Variants in GPC6 observed in about 807,000 individuals in gnomAD.
The protein encoded by GPC6 is glypican-6.
In GPC6, 14 loss-of-function variants were observed where a neutral mutation model predicts 55.2. The observed-to-expected ratio is 0.25, with a 90% CI of 0.17 to 0.40. The LOEUF (loss-of-function observed/expected upper bound fraction) is 0.40, where lower values mean the gene tolerates loss of function less well. Ranked by LOEUF, GPC6 falls within the 10% of genes least tolerant of loss-of-function variation. The probability of loss-of-function intolerance (pLI) is 1.00; values close to 1 mark genes in which losing one functional copy is unlikely to be tolerated. For missense variants in GPC6, 641 were observed against 708.5 expected (o/e 0.90, Z 1.08); for synonymous variants, 278 against 259.6 (o/e 1.07, Z -0.68).
At chr13:94,085,048 G>A (rs1885230349) in intron 4 of GPC6, among the ~76,000 whole-genome samples, 1 of 152,066 alleles carries the variant, frequency 6.6e-6, no homozygotes, top group South Asian at 2.1e-4. Flanking sequence ...TTGTGGCTGG[G>A]CACGGTGGCT....
intron 1 of GPC6, among the ~76,000 whole-genome samples, chr13:93,384,688 G>A (rs74765366): frequency 6.6e-6 from 1 of 152,196 alleles, no homozygotes; most frequent in Non-Finnish European, 1.5e-5. Flanking sequence ...TACTGTTTGT[G>A]TATTTAGTGT....
At chr13:94,000,566 C>T (rs535007927) in intron 3 of GPC6, among the ~76,000 whole-genome samples, 71 of 152,066 alleles carry the variant, frequency 4.7e-4, no homozygotes, top group Non-Finnish European at 8.8e-4. Flanking sequence ...AAATTTTATT[C>T]CAAGTTGGAC....
At chr13:94,313,162 T>A (rs1876347126) in intron 6 of GPC6, among the ~76,000 whole-genome samples, 1 of 152,176 alleles carries the variant, frequency 6.6e-6, no homozygotes. Context: ...CAGCAGCATG[T>A]GGTAGCAGAG....
chr13:93,662,945 C>T (rs1024277552), intron 2 of GPC6, among the ~76,000 whole-genome samples: 10 of 151,988 alleles, frequency 6.6e-5, no homozygotes, highest in African/African-American at 2.2e-4. Context: ...GTGAGCATAT[C>T]ATTATTTTTA....
intron 2 of GPC6, among the ~76,000 whole-genome samples, chr13:93,688,355 G>C (rs567962213): frequency 6.6e-6 from 1 of 152,216 alleles, no homozygotes; most frequent in East Asian, 1.9e-4. Flanking sequence ...GTAAAAGTCA[G>C]GGAGTTTTGG....
At chr13:93,819,683 A>T (rs903495382) in intron 2 of GPC6, among the ~76,000 whole-genome samples, 15 of 152,200 alleles carry the variant, frequency 9.9e-5, no homozygotes, top group Non-Finnish European at 1.6e-4. Context: ...TGAGATAGAA[A>T]TGCAGTCCAT....
chr13:94,250,149 A>G (rs192618552), intron 4 of GPC6, among the ~76,000 whole-genome samples: 60 of 152,298 alleles, frequency 3.9e-4, no homozygotes, highest in Non-Finnish European at 5.0e-4. Context: ...CTTTGCGTAT[A>G]TAATTTACAA....
chr13:94,354,991 T>G (rs1483471843), intron 6 of GPC6, among the ~76,000 whole-genome samples: 1 of 151,870 alleles, frequency 6.6e-6, no homozygotes, highest in Non-Finnish European at 1.5e-5. Flanking sequence ...CTGGCTCCTG[T>G]GTCCATGTGG....
chr13:93,222,863 A>AACCAG (rs1226992940), upstream of GPC6, among the ~76,000 whole-genome samples: 1 of 152,074 alleles, frequency 6.6e-6, no homozygotes, highest in African/African-American at 2.4e-5. Flanking sequence ...TGGTTTGGTG[A>AACCAG]CTCAAATAGG....
At position 94,089,015 on chromosome 13, in the gene GPC6, A is replaced by G. The variant is rs540604219; in HGVS notation, c.877+61121A>G. ...CAAGAACTGGAAGCACACTAGGTTC[A>G]GGCTTAATCGGTTTTATGCAGCTGT... On this transcript the variant is annotated intron_variant, in intron 4 of 8. Transcript: ENST00000377047. 5.9e-5 allele frequency among the ~76,000 whole-genome samples: 9 copies of G among 152,262 alleles called. No homozygotes were observed. The East Asian group carries it at 1.7e-3, about 29-fold the overall frequency.
intron 3 of GPC6, among the ~76,000 whole-genome samples, chr13:93,842,701 G>A (rs1887996883): frequency 6.6e-6 from 1 of 151,962 alleles, no homozygotes; most frequent in East Asian, 1.9e-4. Flanking sequence ...TCAAATTACT[G>A]AGGAAATTTA....
intron 1 of GPC6, among the ~76,000 whole-genome samples, chr13:93,346,913 TTGTTA>T (rs1477698027): frequency 8.2e-6 from 1 of 122,612 alleles, no homozygotes; most frequent in Non-Finnish European, 2.1e-5. Flanking sequence ...TTCTATAAGT[TTGTTA>T]TGTTATCATC....
intron 1 of GPC6, among the ~76,000 whole-genome samples, chr13:93,444,105 A>G (rs910738661): frequency 1.3e-4 from 19 of 151,854 alleles, no homozygotes; most frequent in African/African-American, 4.6e-4. Flanking sequence ...TTTATTGATT[A>G]TGTTCAATTG....
At chr13:93,964,338 G>A (rs1247304824) in intron 3 of GPC6, among the ~76,000 whole-genome samples, 2 of 152,096 alleles carry the variant, frequency 1.3e-5, no homozygotes, top group African/African-American at 4.8e-5. Flanking sequence ...ATGATATCAT[G>A]CATTAGTTTA....
chr13:93,833,107 TAGAGAGAGAGAGAGAGAGAG>T lies in GPC6; in HGVS notation c.711+2594_711+2613del, dbSNP rs367949345. On this transcript the variant is annotated intron_variant, in intron 3 of 8. Transcript: ENST00000377047. ...GATGGATGGGTAGATAGGTAGATGA[TAGAGAGAGAGAGAGAGAGAG>T]AGAGAGAGAGAGAGAGAGAGAGAGA... Among the ~76,000 whole-genome samples the T allele has an allele frequency of 8.3e-4, 90 of 109,068 alleles. 1 individual carries two copies. The highest frequency in any genetic ancestry group is 1.8e-3 in the South Asian group (6 of 3,248). 71.6% of individuals were successfully genotyped at this position (109,068 alleles called of 152,430 possible).
At chr13:93,330,743 A>G (rs1175899687) in intron 1 of GPC6, among the ~76,000 whole-genome samples, 9 of 152,132 alleles carry the variant, frequency 5.9e-5, no homozygotes, top group Admixed American at 2.6e-4. Flanking sequence ...TGCTTTATCA[A>G]TGAAAAATTC....
chr13:93,834,465 A>G (rs1421705923), intron 3 of GPC6, among the ~76,000 whole-genome samples: 1 of 152,216 alleles, frequency 6.6e-6, no homozygotes, highest in Non-Finnish European at 1.5e-5. Flanking sequence ...AAAAAGAATC[A>G]GATGGTGGTT....
rs182747055 is a variant in GPC6 at position 93,649,321 on chromosome 13, T to C, written c.319+103900T>C. On this transcript the variant is annotated intron_variant, in intron 2 of 8. Coordinates refer to ENST00000377047, the MANE Select transcript of GPC6 (RefSeq NM_005708.5). ...AAAAACATTAGCCTGGTCTGGTGGC[T>C]CACTCCTGTCATCCCAGCTACTCAG... is the stretch of plus-strand genomic sequence containing the variant. Among the ~76,000 whole-genome samples, 825 of 152,152 alleles carry C rather than the reference T, an allele frequency of 5.4e-3. 11 individuals carry two copies. The highest frequency in any genetic ancestry group is 4.7e-3 in the Non-Finnish European group (321 of 67,990).
At chr13:93,531,284 A>G (rs1881855454) in intron 1 of GPC6, among the ~76,000 whole-genome samples, 1 of 151,020 alleles carries the variant, frequency 6.6e-6, no homozygotes, top group Non-Finnish European at 1.5e-5. Context: ...TTATAATGAT[A>G]TATAATATAT....
Sources: allele counts gnomAD v4.1 joint callset (sites outside exome capture counted in the v4.1 genomes callset), GRCh38; gene constraint gnomAD v4.1.1; transcripts MANE v1.5; gene names NCBI Gene and HGNC (gene_info 2026-07-23, HGNC 2026-07-21).